TSPAN9: variants seen among roughly 807,000 people sequenced by gnomAD.
TSPAN9 encodes tetraspanin 9.
Under a neutral mutation model 31.0 loss-of-function variants are expected in TSPAN9, and 16 were observed. The observed-to-expected ratio is 0.52, with a 90% CI of 0.35 to 0.78. The LOEUF (loss-of-function observed/expected upper bound fraction) is 0.78, where lower values mean the gene tolerates loss of function less well. Among genes scored for constraint, TSPAN9 ranks in the 30% least tolerant of loss-of-function variants. The pLI is 0.01. For missense variants in TSPAN9, 272 were observed against 312.5 expected (o/e 0.87, Z 0.98); for synonymous variants, 145 against 121.6 (o/e 1.19, Z -1.27).
chr12:3,237,442 A>G (rs2153976800), intron 3 of TSPAN9, among the ~76,000 whole-genome samples: 1 of 152,340 alleles, frequency 6.6e-6, no homozygotes, highest in African/African-American at 2.4e-5. Flanking sequence ...TCTTGGCCAC[A>G]GAACAGAGTG....
chr12:3,233,101 C>G (rs2098391643), intron 3 of TSPAN9, among the ~76,000 whole-genome samples: 4 of 152,170 alleles, frequency 2.6e-5, no homozygotes, highest in Admixed American at 2.6e-4. Context: ...GAACTTGAGA[C>G]TTTGCTGGCT....
At chr12:3,248,399 T>C (rs1862180766) in intron 3 of TSPAN9, among the ~76,000 whole-genome samples, 1 of 152,162 alleles carries the variant, frequency 6.6e-6, no homozygotes, top group Admixed American at 6.5e-5. Flanking sequence ...TGAAAATGTG[T>C]GCTCTCTTAG....
intron 3 of TSPAN9, among the ~76,000 whole-genome samples, chr12:3,269,918 C>T (rs1749158117): frequency 6.6e-6 from 1 of 152,242 alleles, no homozygotes; most frequent in African/African-American, 2.4e-5. Context: ...GCGTGCACAG[C>T]CTGTCCTGGT....
chr12:3,205,729 C>A (rs3782825), intron 3 of TSPAN9, among the ~76,000 whole-genome samples: 2 of 151,712 alleles, frequency 1.3e-5, no homozygotes, highest in Non-Finnish European at 2.9e-5. Context: ...CCCCCCCCCC[C>A]CAGAGTGCTC....
intron 3 of TSPAN9, among the ~76,000 whole-genome samples, chr12:3,211,006 A>G (rs1459092061): frequency 1.3e-5 from 2 of 152,182 alleles, no homozygotes; most frequent in Non-Finnish European, 2.9e-5. Context: ...TCGGCCTTCC[A>G]AAGTGCTGGG....
At chr12:3,114,990 G>A (rs563704878) in intron 2 of TSPAN9, among the ~76,000 whole-genome samples, 20 of 152,148 alleles carry the variant, frequency 1.3e-4, no homozygotes, top group South Asian at 4.1e-4. Flanking sequence ...TATTCTCAGC[G>A]TGTGACCATC....
rs560103202 is a variant in TSPAN9 at position 3,206,108 on chromosome 12, A to G, written c.63+4852A>G. ...CTCCACCCTGGCCTGTGAAGAGCAC[A>G]GAAAACACCCTCCGGCCTGCTCCTA... On this transcript the variant is annotated intron_variant, in intron 3 of 8. Coordinates refer to ENST00000011898, the MANE Select transcript of TSPAN9 (RefSeq NM_006675.5). Among the ~76,000 whole-genome samples the G allele has an allele frequency of 6.6e-5, 10 of 152,328 alleles. No homozygotes were observed. In the East Asian group the frequency reaches 1.9e-3, roughly 29 times the overall value.
At chr12:3,157,025 C>T (rs1386124695) in intron 2 of TSPAN9, among the ~76,000 whole-genome samples, 2 of 151,992 alleles carry the variant, frequency 1.3e-5, no homozygotes, top group Admixed American at 6.5e-5. Flanking sequence ...AATTCTCCCC[C>T]GCTGAGCCTC....
At chr12:3,115,021 C>A (rs1358883130) in intron 2 of TSPAN9, among the ~76,000 whole-genome samples, 1 of 151,964 alleles carries the variant, frequency 6.6e-6, no homozygotes, top group African/African-American at 2.4e-5. Context: ...ATTTTAGAAC[C>A]TTTTTATCAC....
intron 2 of TSPAN9, among the ~76,000 whole-genome samples, chr12:3,144,643 G>A (rs755170985): frequency 1.1e-4 from 17 of 152,206 alleles, no homozygotes; most frequent in Admixed American, 1.1e-3. Flanking sequence ...CCAGCTCGGG[G>A]TACTTTGCTG....
rs370069349 is a variant in TSPAN9 at position 3,263,671 on chromosome 12, C to G, written c.64-14750C>G. 2.0e-4 allele frequency among the ~76,000 whole-genome samples: 31 copies of G among 152,286 alleles called. 2 individuals are homozygous for G. Among genetic ancestry groups the G allele is most frequent in the Admixed American group, 1.2e-3 (19 of 15,292 alleles). Reference sequence around the variant, plus strand: ...TCTGTGCCCAGCATTGTGCTTGATACTAGGGAATTGTGCAGAGAGGTCTGA... The same window carrying G: ...TCTGTGCCCAGCATTGTGCTTGATAGTAGGGAATTGTGCAGAGAGGTCTGA... On this transcript the variant is annotated intron_variant, in intron 3 of 8. Coordinates refer to ENST00000011898, the MANE Select transcript of TSPAN9 (RefSeq NM_006675.5).
intron 2 of TSPAN9, among the ~76,000 whole-genome samples, chr12:3,135,865 G>A (rs770078364): frequency 2.0e-5 from 3 of 152,182 alleles, no homozygotes; most frequent in Non-Finnish European, 4.4e-5. Flanking sequence ...CTTGAGAAGC[G>A]GCTGTCTCAG....
At position 3,179,842 on chromosome 12, in the gene TSPAN9, C is replaced by T. The variant is rs189865283; in HGVS notation, c.-17-21335C>T. Among the ~76,000 whole-genome samples the T allele has an allele frequency of 1.4e-4, 22 of 152,278 alleles. 1 individual carries two copies. Among genetic ancestry groups the T allele is most frequent in the East Asian group, 9.7e-4 (5 of 5,170 alleles). ...ATCTGGCAGATAGTGGTGAGATTGACGGACTCAGAACACATTTCCACTGAC... is the reference window on the plus strand; with the variant it reads ...ATCTGGCAGATAGTGGTGAGATTGATGGACTCAGAACACATTTCCACTGAC... On this transcript the variant is annotated intron_variant, in intron 2 of 8. Coordinates refer to ENST00000011898, the MANE Select transcript of TSPAN9 (RefSeq NM_006675.5).
chr12:3,255,189 C>T (rs575547764), intron 3 of TSPAN9, among the ~76,000 whole-genome samples: 11 of 152,246 alleles, frequency 7.2e-5, no homozygotes, highest in East Asian at 1.9e-4. Flanking sequence ...TTGGGCCTTC[C>T]GGCCTGACTC....
At chr12:3,129,095 A>C (rs7134980) in intron 2 of TSPAN9, among the ~76,000 whole-genome samples, 56,312 of 151,976 alleles carry the variant, frequency 0.37, 11,516 homozygotes, top group Admixed American at 0.49. Flanking sequence ...CCTGTGTCAG[A>C]TTTCCTCCCT....
Position 3,141,062 on chromosome 12 carries a change from C to T in TSPAN9, c.-18+57343C>T, listed in dbSNP as rs117303562. ...TCCATGCATGGGGCCAGAGGGGAGC[C>T]GTGAGATTCAGTTGACGAGGACCAC... On this transcript the variant is annotated intron_variant, in intron 2 of 8. Coordinates refer to ENST00000011898, the MANE Select transcript of TSPAN9 (RefSeq NM_006675.5). 6.3e-3 allele frequency among the ~76,000 whole-genome samples: 961 copies of T among 151,886 alleles called. 7 individuals are homozygous for T. The highest frequency in any genetic ancestry group is 9.2e-3 in the Non-Finnish European group (625 of 67,924).
intron 2 of TSPAN9, among the ~76,000 whole-genome samples, chr12:3,193,819 T>C (rs1389943016): frequency 6.6e-6 from 1 of 152,236 alleles, no homozygotes; most frequent in African/African-American, 2.4e-5. Context: ...CTTTCCCACT[T>C]CTTCCTCCAT....
At chr12:3,201,357 C>G (rs1444295090) in intron 3 of TSPAN9, 101 bp downstream of exon 3, 2 of 1,191,140 alleles carry the variant, frequency 1.7e-6, no homozygotes, top group African/African-American at 1.5e-5. Flanking sequence ...TTGCTCTGCT[C>G]TCTGCACAGT....
intron 3 of TSPAN9, among the ~76,000 whole-genome samples, chr12:3,232,518 A>C (rs1173227623): frequency 6.6e-6 from 1 of 152,162 alleles, no homozygotes; most frequent in African/African-American, 2.4e-5. Flanking sequence ...TGGAACTTTG[A>C]ACTAAAAGAA....
Sources: gnomAD v4.1 joint callset for allele counts (sites outside exome capture counted in the v4.1 genomes callset) on GRCh38, gnomAD v4.1.1 for gene constraint, MANE v1.5 for transcripts, NCBI Gene and HGNC (gene_info 2026-07-23, HGNC 2026-07-21) for gene names.